The following ST6GALNAC3 variants were observed in gnomAD, a reference collection of about 807,000 sequenced individuals.
ST6GALNAC3 encodes ST6 N-acetylgalactosaminide alpha-2,6-sialyltransferase 3, also known as alpha-N-acetylgalactosaminide alpha-2,6-sialyltransferase 3.
A neutral mutation model predicts 32.7 loss-of-function variants in ST6GALNAC3; 25 were observed. That is an observed-to-expected ratio of 0.76 (90% CI 0.56 to 1.07). The LOEUF (loss-of-function observed/expected upper bound fraction) is 1.07. Among genes scored for constraint, ST6GALNAC3 ranks in the 50% least tolerant of loss-of-function variants. The pLI is 0.00. For synonymous variants in ST6GALNAC3, 129 were observed against 133.1 expected, an observed-to-expected ratio of 0.97 and a Z score of 0.21; for missense variants, 355 against 382.4, an observed-to-expected ratio of 0.93 and a Z score of 0.60.
intron 1 of ST6GALNAC3, among the ~76,000 whole-genome samples, chr1:76,189,878 A>G (rs530217777): frequency 1.3e-5 from 2 of 152,286 alleles, no homozygotes; most frequent in Non-Finnish European, 2.9e-5. Flanking sequence ...TCTGAGGGCC[A>G]TTAAGTGGGG....
intron 2 of ST6GALNAC3, among the ~76,000 whole-genome samples, chr1:76,327,275 C>CGT (rs3079480): frequency 0.085 from 11,759 of 138,620 alleles, 581 homozygotes; most frequent in East Asian, 0.25. Flanking sequence ...TGTATATATG[C>CGT]GTGTGTGTGT....
At chr1:76,360,304 G>A (rs531938853) in intron 2 of ST6GALNAC3, among the ~76,000 whole-genome samples, 1 of 151,978 alleles carries the variant, frequency 6.6e-6, no homozygotes, top group Non-Finnish European at 1.5e-5. Flanking sequence ...CATTCACATG[G>A]TTCTTTGTTT....
intron 1 of ST6GALNAC3, among the ~76,000 whole-genome samples, chr1:76,151,218 G>A (rs1026312650): frequency 3.9e-5 from 6 of 152,152 alleles, no homozygotes; most frequent in Non-Finnish European, 5.9e-5. Flanking sequence ...GAATCAGGAG[G>A]ATCTATCAGA....
chr1:76,206,281 G>T (rs532113484), intron 1 of ST6GALNAC3, among the ~76,000 whole-genome samples: 1 of 152,196 alleles, frequency 6.6e-6, no homozygotes, highest in Non-Finnish European at 1.5e-5. Context: ...CTGAGGGTTT[G>T]TGGCTTTTAA....
chr1:76,323,777 T>C (rs541432401), intron 2 of ST6GALNAC3, among the ~76,000 whole-genome samples: 17 of 152,336 alleles, frequency 1.1e-4, no homozygotes, highest in African/African-American at 3.6e-4. Context: ...TGTGATGGTC[T>C]ATATCTGGGT....
chr1:76,576,725 G>T (rs145944420), intron 3 of ST6GALNAC3: 3 of 743,994 alleles, frequency 4.0e-6, no homozygotes, highest in Admixed American at 2.6e-5. Context: ...GCTCTGGGGA[G>T]CCTGATTAAT....
intron 3 of ST6GALNAC3, among the ~76,000 whole-genome samples, chr1:76,445,017 G>A (rs1182757518): frequency 6.6e-6 from 1 of 152,190 alleles, no homozygotes; most frequent in Non-Finnish European, 1.5e-5. Context: ...GAAAGTTCTA[G>A]TCTAAAGCAA....
intron 3 of ST6GALNAC3, among the ~76,000 whole-genome samples, chr1:76,479,417 A>G (rs1659579640): frequency 6.6e-6 from 1 of 152,214 alleles, no homozygotes; most frequent in Admixed American, 6.5e-5. Flanking sequence ...TGGGTAATTT[A>G]TAATGATCAG....
chr1:76,441,088 C>CAAAAAAAAAAAAAAAAAAAAAAAAAAA (rs397980569), intron 3 of ST6GALNAC3, among the ~76,000 whole-genome samples: 1 of 90,264 alleles, frequency 1.1e-5, no homozygotes, highest in African/African-American at 3.5e-5. Flanking sequence ...ACTATGTCTC[C>CAAAAAAAAAAAAAAAAAAAAAAAAAAA]AAAAAAAAAA....
intron 1 of ST6GALNAC3, among the ~76,000 whole-genome samples, chr1:76,211,367 A>G (rs1655147888): frequency 6.6e-6 from 1 of 152,188 alleles, no homozygotes; most frequent in Non-Finnish European, 1.5e-5. Flanking sequence ...CCATTGTGGA[A>G]GTCAGTGTGG....
rs112896309 is a variant in ST6GALNAC3, at chr1:76,156,545, G to GTT, written c.18+81670_18+81671dup. On this transcript the variant is annotated intron_variant, in intron 1 of 4. Coordinates refer to ENST00000328299, the MANE Select transcript of ST6GALNAC3 (RefSeq NM_152996.4). ...ATAGTATACTACTAGATTTTGTTTG[G>GTT]TTTTTTTTTTGCCTCTGGGAGCTGT... is the stretch of plus-strand genomic sequence containing the variant. Among the ~76,000 whole-genome samples the GTT allele has an allele frequency of 5.3e-5, 6 of 113,500 alleles. No individual in the cohort carries two copies. In the South Asian group the frequency reaches 7.5e-4, roughly 14 times the overall value. 74.5% of individuals were successfully genotyped at this position (113,500 alleles called of 152,430 possible).
intron 1 of ST6GALNAC3, among the ~76,000 whole-genome samples, chr1:76,311,520 A>C (rs1052401407): frequency 2.0e-5 from 3 of 152,076 alleles, no homozygotes; most frequent in Non-Finnish European, 4.4e-5. Flanking sequence ...TATGAGTGAG[A>C]ACATGTGGGG....
At chr1:76,188,253 T>A (rs1653688871) in intron 1 of ST6GALNAC3, among the ~76,000 whole-genome samples, 2 of 151,954 alleles carry the variant, frequency 1.3e-5, no homozygotes, top group South Asian at 4.1e-4. Context: ...TCCCAGTTAC[T>A]CAGGAGGTTG....
intron 2 of ST6GALNAC3, among the ~76,000 whole-genome samples, chr1:76,406,686 AT>A (rs1653857989): frequency 6.6e-6 from 1 of 152,058 alleles, no homozygotes; most frequent in African/African-American, 2.4e-5. Flanking sequence ...GATTTGAGGT[AT>A]CTGCATATAT....
At chr1:76,118,982 C>T (rs1648674470) in intron 1 of ST6GALNAC3, among the ~76,000 whole-genome samples, 1 of 152,116 alleles carries the variant, frequency 6.6e-6, no homozygotes. Flanking sequence ...GCCACCATGC[C>T]CAGCTAATTT....
chr1:76,242,478 T>A (rs189847543), intron 1 of ST6GALNAC3, among the ~76,000 whole-genome samples: 1 of 152,108 alleles, frequency 6.6e-6, no homozygotes, highest in Non-Finnish European at 1.5e-5. Flanking sequence ...GGGATACATG[T>A]GTAGAATGTG....
chr1:76,283,506 GA>G (rs1309983325), intron 1 of ST6GALNAC3, among the ~76,000 whole-genome samples: 1 of 152,162 alleles, frequency 6.6e-6, no homozygotes, highest in Non-Finnish European at 1.5e-5. Context: ...AGGAAGGCAT[GA>G]GGGGTCAGGG....
chr1:76,286,351 C>A (rs1659777621), intron 1 of ST6GALNAC3, among the ~76,000 whole-genome samples: 1 of 152,138 alleles, frequency 6.6e-6, no homozygotes, highest in South Asian at 2.1e-4. Flanking sequence ...ACCTTATACC[C>A]AGTAATGATG....
intron 2 of ST6GALNAC3, among the ~76,000 whole-genome samples, chr1:76,381,320 G>A (rs568628634): frequency 3.3e-5 from 5 of 152,276 alleles, no homozygotes; most frequent in African/African-American, 1.2e-4. Flanking sequence ...CCAGGGGCAA[G>A]TGTTGATATA....
Sources: allele counts gnomAD v4.1 joint callset (sites outside exome capture counted in the v4.1 genomes callset), GRCh38; gene constraint gnomAD v4.1.1; transcripts MANE v1.5; gene names NCBI Gene and HGNC (gene_info 2026-07-23, HGNC 2026-07-21).